Variants in ALPL observed in about 807,000 individuals in gnomAD.
The protein encoded by ALPL is alkaline phosphatase, biomineralization associated, also known as alkaline phosphatase, tissue-nonspecific isozyme.
In ALPL, 42 loss-of-function variants were observed where a neutral mutation model predicts 51.3. That is an observed-to-expected ratio of 0.82 (90% confidence interval 0.64 to 1.06). The LOEUF (loss-of-function observed/expected upper bound fraction) is 1.06. Ranked by LOEUF, ALPL falls within the 50% of genes least tolerant of loss-of-function variation. The pLI, the probability that ALPL is intolerant of heterozygous loss-of-function variation, is 0.00. For synonymous variants in ALPL, 279 were observed against 296.4 expected (o/e 0.94, Z 0.60); for missense variants, 589 against 709.4 (o/e 0.83, Z 1.93).
At chr1:21,539,038 A>G (rs992939815) in intron 1 of ALPL, among the ~76,000 whole-genome samples, 1 of 152,228 alleles carries the variant, frequency 6.6e-6, no homozygotes, top group Non-Finnish European at 1.5e-5. Flanking sequence ...GCTGCACGCA[A>G]TCCCTTCATC....
At chr1:21,528,018 T>G (rs1366248176) in intron 1 of ALPL, among the ~76,000 whole-genome samples, 1 of 151,874 alleles carries the variant, frequency 6.6e-6, no homozygotes, top group Non-Finnish European at 1.5e-5. Flanking sequence ...TTTTTTTTGT[T>G]TTTTTGTTTT....
intron 1 of ALPL, among the ~76,000 whole-genome samples, chr1:21,522,815 T>C (rs753385749): frequency 6.6e-6 from 1 of 152,150 alleles, no homozygotes; most frequent in Non-Finnish European, 1.5e-5. Context: ...GGGGGGACTT[T>C]AGAGAAGAAA....
chr1:21,574,111 C>T, intron 9 of ALPL: 7 of 985,448 alleles, frequency 7.1e-6, no homozygotes, highest in Non-Finnish European at 8.4e-6. Flanking sequence ...AGCCCCTCAG[C>T]CTCACTGCCC....
intron 2 of ALPL, among the ~76,000 whole-genome samples, chr1:21,556,867 A>T (rs1193224781): frequency 6.6e-6 from 1 of 152,144 alleles, no homozygotes; most frequent in African/African-American, 2.4e-5. Flanking sequence ...TGAACCCAGG[A>T]GGCGGAGGTT....
rs528145231 is a variant in ALPL at position 21,553,327 on chromosome 1, T to A, written c.-104-651T>A. ...TGTCACCACCCAGAAATGGCCACAC[T>A]TACCAGCCAGTTTTTTCACATATGT... is the stretch of plus-strand genomic sequence containing the variant. On this transcript the variant is annotated intron_variant, in intron 1 of 11. Coordinates refer to ENST00000374840, the MANE Select transcript of ALPL (RefSeq NM_000478.6). Among the ~76,000 whole-genome samples, 4 of 152,182 alleles carry A rather than the reference T, an allele frequency of 2.6e-5. No homozygotes were observed. The South Asian group carries it at 8.4e-4, about 32-fold the overall frequency.
intron 1 of ALPL, among the ~76,000 whole-genome samples, chr1:21,533,048 C>G (rs1170916949): frequency 2.0e-5 from 3 of 152,158 alleles, no homozygotes; most frequent in Admixed American, 2.0e-4. Flanking sequence ...GTGGGGCTGC[C>G]CACCAGCCCT....
Position 21,554,012 on chromosome 1 carries a change from G to GGCCCCC in ALPL, c.-70_-69insGCCCCC. ...ATCAGTTAACATCTGACCACTGCCA[G>GGCCCCC]CCCACCCCCTCCCACCCACGTCGAT... On this transcript the variant is annotated 5_prime_UTR_variant, in exon 2 of 12. Transcript: ENST00000374840. 1.2e-4 allele frequency: 119 copies of GGCCCCC among 994,992 alleles called. No homozygotes were observed. Among genetic ancestry groups the GGCCCCC allele is most frequent in the Middle Eastern group, 2.9e-4 (1 of 3,446 alleles). The allele number at this position is 994,992 out of a possible 1,614,324, so 61.6% of individuals were successfully genotyped here. A position where few individuals can be genotyped will look rare whatever the true frequency, so the allele number is the denominator to read the frequency against.
intron 9 of ALPL, chr1:21,574,231 C>T (rs1005454964): frequency 1.3e-5 from 13 of 984,182 alleles, no homozygotes; most frequent in African/African-American, 7.0e-5. Context: ...CTTGGCCTGG[C>T]GCTGCCATCT....
intron 7 of ALPL, among the ~76,000 whole-genome samples, chr1:21,568,548 C>T (rs1028982212): frequency 5.3e-5 from 8 of 151,990 alleles, no homozygotes; most frequent in Non-Finnish European, 1.2e-4. Flanking sequence ...GCGGGGCATG[C>T]GTGAGGCACA....
chr1:21,562,721 A>AC (rs1435930520), intron 4 of ALPL, among the ~76,000 whole-genome samples: 2 of 142,068 alleles, frequency 1.4e-5, no homozygotes, highest in African/African-American at 5.4e-5. Context: ...CTATCCCCAG[A>AC]CCCCCCACTC....
chr1:21,528,477 A>T (rs1643982891), intron 1 of ALPL, among the ~76,000 whole-genome samples: 1 of 150,374 alleles, frequency 6.7e-6, no homozygotes, highest in Admixed American at 6.7e-5. Flanking sequence ...CCTCCCAAGT[A>T]GCTGGGATTA....
intron 6 of ALPL, among the ~76,000 whole-genome samples, chr1:21,566,643 G>A (rs1644569350): frequency 6.6e-6 from 1 of 151,904 alleles, no homozygotes; most frequent in Non-Finnish European, 1.5e-5. Flanking sequence ...AGGCTGGAGT[G>A]CAGTGGCGTG....
intron 10 of ALPL, among the ~76,000 whole-genome samples, chr1:21,576,304 TG>T (rs1644736468): frequency 2.7e-5 from 4 of 148,134 alleles, no homozygotes; most frequent in South Asian, 2.2e-4. Flanking sequence ...GATGGATGGA[TG>T]GGTGGATGGA....
At chr1:21,534,373 TGAG>T (rs1022801872) in intron 1 of ALPL, among the ~76,000 whole-genome samples, 95 of 152,322 alleles carry the variant, frequency 6.2e-4, no homozygotes, top group African/African-American at 2.2e-3. Context: ...AGAAGTTAAT[TGAG>T]GAGGCAGAAC....
intron 5 of ALPL, 109 bp from the exon 6 acceptor site, chr1:21,563,932 A>G: frequency 7.1e-7 from 1 of 1,416,974 alleles, no homozygotes; most frequent in Non-Finnish European, 9.6e-7. Flanking sequence ...GGCAATCCTC[A>G]GAACTGAAGC....
At position 21,575,887 on chromosome 1, in the gene ALPL, A is replaced by G. The variant is rs1420358743; in HGVS notation, c.1152A>G (p.Thr384=). Residue 384 remains threonine, a synonymous_variant, in exon 10 of 12, where the codon ACA becomes ACG. Coordinates refer to ENST00000374840, the MANE Select transcript of ALPL (RefSeq NM_000478.6). ...CTGCGGACCATTCCCACGTCTTCAC[A>G]TTTGGTGGATACACCCCCCGTGGCA... ...VVTADHSHVF[T]FGGYTPRGNS... 6.2e-7 allele frequency: 1 copy of G among 1,614,140 alleles called. No individual in the cohort carries two copies. Among genetic ancestry groups the G allele is most frequent in the South Asian group, 1.1e-5 (1 of 91,082 alleles).
intron 1 of ALPL, among the ~76,000 whole-genome samples, chr1:21,542,155 T>G (rs1453852189): frequency 6.6e-6 from 1 of 152,184 alleles, no homozygotes; most frequent in African/African-American, 2.4e-5. Flanking sequence ...CCATGTCCCT[T>G]CCCTATGACT....
rs111964523 is a variant in ALPL at position 21,561,754 on chromosome 1, C to A, written c.297+542C>A. 8.0e-3 allele frequency among the ~76,000 whole-genome samples: 1,207 copies of A among 150,788 alleles called. 46 individuals carry two copies. Among genetic ancestry groups the A allele is most frequent in the African/African-American group, 0.028 (1,158 of 40,650 alleles). ...TGACATCAGCTCACTGCAACCTCTG[C>A]CTCCCGAGTTCAAGTGATTCTTCTG... On this transcript the variant is annotated intron_variant, in intron 4 of 11. Coordinates refer to ENST00000374840, the MANE Select transcript of ALPL (RefSeq NM_000478.6).
At chr1:21,570,233 G>T in intron 7 of ALPL, 72 bp from the exon 8 acceptor site, 1 of 1,483,388 alleles carries the variant, frequency 6.7e-7, no homozygotes, top group Non-Finnish European at 9.4e-7. Context: ...CTCAGACTCT[G>T]ATAGCTGCTG....
Sources: gnomAD v4.1 joint callset for allele counts (sites outside exome capture counted in the v4.1 genomes callset) on GRCh38, gnomAD v4.1.1 for gene constraint, MANE v1.5 for transcripts, NCBI Gene and HGNC (gene_info 2026-07-23, HGNC 2026-07-21) for gene names.